The following DPYD variants were observed in gnomAD, a reference collection of about 807,000 sequenced individuals.
The protein encoded by DPYD is dihydropyrimidine dehydrogenase [NADP(+)].
A neutral mutation model predicts 116.2 loss-of-function variants in DPYD; 109 were observed. The observed-to-expected ratio is 0.94, with a 90% CI of 0.80 to 1.10. The LOEUF (loss-of-function observed/expected upper bound fraction) is 1.10. Ranked by LOEUF, DPYD falls within the 50% of genes least tolerant of loss-of-function variation. The pLI is 0.00. For missense variants in DPYD, 1,302 were observed against 1,254.5 expected (o/e 1.04, Z -0.57); for synonymous variants, 440 against 432.0 (o/e 1.02, Z -0.23).
chr1:97,189,436 T>C (rs1172765172), intron 20 of DPYD, among the ~76,000 whole-genome samples: 1 of 152,264 alleles, frequency 6.6e-6, no homozygotes, highest in East Asian at 1.9e-4. Context: ...CCTGTTCTCA[T>C]CCCAAGCACC....
chr1:97,686,413 G>A (rs987579947), intron 7 of DPYD, among the ~76,000 whole-genome samples: 2 of 151,846 alleles, frequency 1.3e-5, no homozygotes, highest in Non-Finnish European at 2.9e-5. Flanking sequence ...GAGGCGGGCG[G>A]ATCACGAGGT....
intron 16 of DPYD, among the ~76,000 whole-genome samples, chr1:97,307,704 A>T (rs1293370345): frequency 6.6e-6 from 1 of 151,930 alleles, no homozygotes; most frequent in East Asian, 1.9e-4. Flanking sequence ...CATAGTGTGC[A>T]TTATGAATAG....
intron 14 of DPYD, among the ~76,000 whole-genome samples, chr1:97,443,594 T>G (rs111241205): frequency 3.3e-5 from 5 of 152,358 alleles, no homozygotes; most frequent in African/African-American, 1.2e-4. Flanking sequence ...GAGACTTACA[T>G]TTCTCTTTGT....
chr1:97,153,235 G>T (rs1249296138), intron 20 of DPYD, among the ~76,000 whole-genome samples: 1 of 152,038 alleles, frequency 6.6e-6, no homozygotes, highest in Non-Finnish European at 1.5e-5. Flanking sequence ...GCTATCCAAA[G>T]GAACAGGATT....
intron 19 of DPYD, among the ~76,000 whole-genome samples, chr1:97,199,550 A>AT (rs1049238448): frequency 1.1e-4 from 17 of 152,062 alleles, no homozygotes; most frequent in Admixed American, 9.8e-4. Context: ...GCAGGATATA[A>AT]TTTTTTTAAT....
chr1:97,200,624 C>T (rs1050138017), intron 19 of DPYD, among the ~76,000 whole-genome samples: 14 of 152,136 alleles, frequency 9.2e-5, no homozygotes, highest in African/African-American at 3.1e-4. Context: ...AAAACATCTG[C>T]AATATTTTAT....
intron 13 of DPYD, among the ~76,000 whole-genome samples, chr1:97,472,218 G>C (rs905964489): frequency 2.0e-5 from 3 of 152,128 alleles, no homozygotes; most frequent in Admixed American, 6.5e-5. Flanking sequence ...ATTTAAAGAG[G>C]CAATTGCCAG....
intron 8 of DPYD, among the ~76,000 whole-genome samples, chr1:97,636,811 A>G (rs534123698): frequency 6.6e-6 from 1 of 152,216 alleles, no homozygotes; most frequent in South Asian, 2.1e-4. Flanking sequence ...TAACACTAGA[A>G]ATGAGAAGTT....
At chr1:97,800,453 T>G (rs79085678) in intron 3 of DPYD, among the ~76,000 whole-genome samples, 1 of 151,978 alleles carries the variant, frequency 6.6e-6, no homozygotes, top group South Asian at 2.1e-4. Flanking sequence ...TGGTCTAACC[T>G]CTGTCACAGA....
At chr1:97,272,200 G>C (rs76130084) in intron 18 of DPYD, among the ~76,000 whole-genome samples, 3,012 of 151,946 alleles carry the variant, frequency 0.02, 56 homozygotes, top group Non-Finnish European at 0.03. Context: ...CATATTTTCT[G>C]GCCTCATGAA....
intron 20 of DPYD, among the ~76,000 whole-genome samples, chr1:97,132,637 T>A: frequency 6.6e-6 from 1 of 152,158 alleles, no homozygotes; most frequent in East Asian, 1.9e-4. Flanking sequence ...CTTCCATCTT[T>A]TTCATGTGCA....
At chr1:97,195,548 GAGAGAGAGAGAC>G (rs1470359723) in intron 19 of DPYD, among the ~76,000 whole-genome samples, 11 of 96,700 alleles carry the variant, frequency 1.1e-4, no homozygotes, top group Non-Finnish European at 2.1e-4. Context: ...GAGAGAGAGA[GAGAGAGAGAGAC>G]AGAACTCTCA....
intron 18 of DPYD, among the ~76,000 whole-genome samples, chr1:97,301,315 A>G (rs1048111717): frequency 1.3e-5 from 2 of 152,082 alleles, no homozygotes; most frequent in Non-Finnish European, 2.9e-5. Flanking sequence ...AAGTTCATAC[A>G]TAATGAATAA....
Position 97,193,091 on chromosome 1 carries a change from C to G in DPYD, c.2600G>C (p.Arg867Pro). Residue 867 changes from arginine (R) to proline (P), a missense_variant, in exon 20 of 23, where the codon CGT becomes CCT. Arg to Pro is a moderately radical substitution (Grantham distance 103). Transcript: ENST00000370192. ...VSHQKGKPVP[R>P]IAELMDKKLP... The stretch of plus-strand genomic sequence containing the variant: ...TACCTTGTCCATGAGTTCAGCTATA[C>G]GTGGAACTGGTTTCCCTTTCTGGTG... The G allele has an allele frequency of 6.2e-7, 1 of 1,614,022 alleles. No individual in the cohort carries two copies. The highest frequency in any genetic ancestry group is 8.5e-7 in the Non-Finnish European group (1 of 1,179,934).
intron 20 of DPYD, among the ~76,000 whole-genome samples, chr1:97,177,407 G>A (rs1657359381): frequency 6.6e-6 from 1 of 152,140 alleles, no homozygotes; most frequent in Non-Finnish European, 1.5e-5. Context: ...TTTAGTGAGA[G>A]CATGTTTAGT....
At chr1:97,191,603 T>C (rs1658372078) in intron 20 of DPYD, among the ~76,000 whole-genome samples, 1 of 152,196 alleles carries the variant, frequency 6.6e-6, no homozygotes, top group African/African-American at 2.4e-5. Flanking sequence ...ACCCATCTTT[T>C]ATTTGAATAT....
Position 97,272,474 on chromosome 1 carries a change from T to C in DPYD, c.2299+32785A>G, listed in dbSNP as rs369510376. Reference sequence around the variant, plus strand: ...AATGAGATCATTATAACTAGTTTTGTCTGTATTTAAAGTACAGATTTAAGA... The same window carrying C: ...AATGAGATCATTATAACTAGTTTTGCCTGTATTTAAAGTACAGATTTAAGA... On this transcript the variant is annotated intron_variant, in intron 18 of 22. Transcript: ENST00000370192. Among the ~76,000 whole-genome samples, 11 of 152,304 alleles carry C rather than the reference T, an allele frequency of 7.2e-5. No homozygotes were observed. The East Asian group carries it at 1.4e-3, about 19-fold the overall frequency.
At chr1:97,365,771 G>A (rs1033652897) in intron 16 of DPYD, among the ~76,000 whole-genome samples, 2 of 152,022 alleles carry the variant, frequency 1.3e-5, no homozygotes, top group Non-Finnish European at 2.9e-5. Context: ...GGAAACACAG[G>A]TGCACACCAC....
chr1:97,896,488 T>G (rs1673077565), intron 1 of DPYD, among the ~76,000 whole-genome samples: 1 of 151,818 alleles, frequency 6.6e-6, no homozygotes, highest in African/African-American at 2.4e-5. Flanking sequence ...GTCTCATATT[T>G]AAGTGACTTT....
Sources: gnomAD v4.1 joint callset for allele counts (sites outside exome capture counted in the v4.1 genomes callset) on GRCh38, gnomAD v4.1.1 for gene constraint, MANE v1.5 for transcripts, NCBI Gene and HGNC (gene_info 2026-07-23, HGNC 2026-07-21) for gene names.